PHF12: variants seen among roughly 807,000 people sequenced by gnomAD.
The protein encoded by PHF12 is PHD factor 1.
PHF12 carries 6 observed loss-of-function variants against 99.8 expected under a neutral mutation model. The ratio of observed to expected loss-of-function variants is 0.06; its 90% CI spans 0.03 to 0.12. PHF12 has a LOEUF of 0.12. Among genes scored for constraint, PHF12 ranks in the 10% least tolerant of loss-of-function variants. The pLI, the probability that PHF12 is intolerant of heterozygous loss-of-function variation, is 1.00. For synonymous variants in PHF12, 480 were observed against 514.9 expected (o/e 0.93, Z 0.92); for missense variants, 954 against 1,300.1 (o/e 0.73, Z 4.09).
At chr17:28,921,319 T>C (rs1462598514) in intron 5 of PHF12, among the ~76,000 whole-genome samples, 1 of 152,190 alleles carries the variant, frequency 6.6e-6, no homozygotes, top group Admixed American at 6.5e-5. Context: ...CGTATCACCA[T>C]ACCTGGTTCA....
chr17:28,917,749 T>C (rs1483020152), intron 6 of PHF12, among the ~76,000 whole-genome samples: 2 of 152,214 alleles, frequency 1.3e-5, no homozygotes, highest in Non-Finnish European at 1.5e-5. Flanking sequence ...GACAGTCTTC[T>C]GTTCCAGCTC....
intron 2 of PHF12, among the ~76,000 whole-genome samples, chr17:28,934,570 T>C (rs533121805): frequency 4.9e-4 from 74 of 152,076 alleles, no homozygotes; most frequent in Non-Finnish European, 7.5e-4. Flanking sequence ...TAGAGCACAA[T>C]AGTGTTTGAA....
intron 7 of PHF12, among the ~76,000 whole-genome samples, chr17:28,915,445 A>G (rs577544441): frequency 2.4e-4 from 36 of 152,250 alleles, no homozygotes; most frequent in African/African-American, 8.2e-4. Context: ...TCATCCTGAG[A>G]TATCTGTGGG....
At chr17:28,907,303 C>CT (rs1281488749) in intron 13 of PHF12, 1 of 519,920 alleles carries the variant, frequency 1.9e-6, no homozygotes, top group East Asian at 3.3e-5. Context: ...CAAGGCTTGG[C>CT]TTCCTTCTAT....
chr17:28,908,579 CAA>C (rs1400868106), intron 12 of PHF12: 2 of 574,640 alleles, frequency 3.5e-6, no homozygotes, highest in Middle Eastern at 4.7e-4. Context: ...CTTGTCCTCC[CAA>C]AGTGTTGGGA....
At chr17:28,910,391 TA>T in intron 10 of PHF12, 22 bp from the exon 11 acceptor site, 1 of 1,597,086 alleles carries the variant, frequency 6.3e-7, no homozygotes. Context: ...AGAGAAAGAT[TA>T]AAAAGCAGCT....
Position 28,951,311 on chromosome 17 carries a change from C to T in PHF12, c.-351G>A, listed in dbSNP as rs925932748. 3.7e-6 allele frequency: 4 copies of T among 1,088,256 alleles called. No individual in the cohort carries two copies. In the South Asian group the frequency reaches 8.3e-5, roughly 23 times the overall value. 67.4% of individuals were successfully genotyped at this position (1,088,256 alleles called of 1,614,324 possible). A position where few individuals can be genotyped will look rare whatever the true frequency, so the allele number is the denominator to read the frequency against. ...GGAAGGCTGGCGGGCGCTGCCATCC[C>T]GGGGCTGGGGGTATCGGAGGGGGGG... On this transcript the variant is annotated 5_prime_UTR_variant, in exon 1 of 15. Transcript: ENST00000332830.
chr17:28,915,903 A>C (rs1276421140), intron 7 of PHF12, among the ~76,000 whole-genome samples: 2 of 152,226 alleles, frequency 1.3e-5, no homozygotes, highest in Non-Finnish European at 2.9e-5. Flanking sequence ...GAGGGGCACC[A>C]TACAACAAGG....
rs1240952673 is a variant in PHF12, at chr17:28,921,610, G to A, written c.836+78C>T. 3.3e-6 allele frequency: 5 copies of A among 1,518,746 alleles called. No individual in the cohort carries two copies. In the African/African-American group the frequency reaches 5.5e-5, roughly 17 times the overall value. 94.1% of individuals were successfully genotyped at this position (1,518,746 alleles called of 1,614,324 possible). On this transcript the variant is annotated intron_variant, in intron 5 of 14. Transcript: ENST00000332830. ...TGGGCTGTTCACATTTAACATACATGGTCTGGAAGAGGTGATGAGAGAAAA... is the reference window on the plus strand; with the variant it reads ...TGGGCTGTTCACATTTAACATACATAGTCTGGAAGAGGTGATGAGAGAAAA...
At chr17:28,910,924 G>C in intron 10 of PHF12, 188 bp downstream of exon 10, 1 of 721,804 alleles carries the variant, frequency 1.4e-6, no homozygotes. Flanking sequence ...GTAGAAGGCA[G>C]AGCTACAGAA....
In PHF12 at chr17:28,950,173, G is replaced by C. The variant is rs2040783223; in HGVS notation, c.140C>G (p.Pro47Arg). 3 of 1,613,704 alleles carry C rather than the reference G, an allele frequency of 1.9e-6. No homozygotes were observed. The highest frequency in any genetic ancestry group is 2.5e-6 in the Non-Finnish European group (3 of 1,180,006). ...GTTGGTGGCCCTGCCGCTTCTCCGGGGCTCCTTCTCAGGCTTCCGACTGCG... is the reference window on the plus strand; with the variant it reads ...GTTGGTGGCCCTGCCGCTTCTCCGGCGCTCCTTCTCAGGCTTCCGACTGCG... ...EKRSRKPEKE[P>R]RRSGRATNHD... The change falls in exon 2 of 15, where the codon CCC becomes CGC. Residue 47 changes from proline to arginine, a missense_variant. Pro to Arg is a moderately radical substitution (Grantham distance 103). This residue lies in a region of PHF12 where 66 missense variants were observed against 69.4 expected (regional missense o/e 0.95). Coordinates refer to ENST00000332830, the MANE Select transcript of PHF12 (RefSeq NM_001033561.2). The surrounding 1 kb of genome is among the most constrained non-coding windows in gnomAD (Gnocchi z 5.7).
rs371344162 is a variant in PHF12, at chr17:28,950,036, G to C, written c.248+29C>G. The C allele has an allele frequency of 1.2e-5, 18 of 1,544,356 alleles. No homozygotes were observed. In the African/African-American group the frequency reaches 2.5e-4, roughly 21 times the overall value. ...GAATGCGCAGAGAAGGGTCCGCCAA[G>C]AAGCTCCAAAAGGGTCCCCAGACCT... On this transcript the variant is annotated intron_variant, in intron 2 of 14. Coordinates refer to ENST00000332830, the MANE Select transcript of PHF12 (RefSeq NM_001033561.2). This position sits in a 1 kb window ranked among gnomAD's most constrained non-coding sequence, Gnocchi z 5.7.
At position 28,929,189 on chromosome 17, in the gene PHF12, G is replaced by T. The variant is rs151056154; in HGVS notation, c.249-2126C>A. 7.2e-3 allele frequency among the ~76,000 whole-genome samples: 1,087 copies of T among 151,580 alleles called. 5 individuals are homozygous for T. Among genetic ancestry groups the T allele is most frequent in the Non-Finnish European group, 0.012 (828 of 67,878 alleles). ...TTGGCTAAGTCACCTACTTGGAATG[G>T]TATGCAGGAAATTTTTCTTCAAATA... is the stretch of plus-strand genomic sequence containing the variant. On this transcript the variant is annotated intron_variant, in intron 2 of 14. Coordinates refer to ENST00000332830, the MANE Select transcript of PHF12 (RefSeq NM_001033561.2).
At chr17:28,921,938 G>C in intron 4 of PHF12, 130 bp from the exon 5 acceptor site, 1 of 1,254,678 alleles carries the variant, frequency 8.0e-7, no homozygotes, top group Non-Finnish European at 1.1e-6. Flanking sequence ...ATTGCTCTCT[G>C]AGGCCCCTGG....
chr17:28,924,245 T>G lies in PHF12; in HGVS notation c.379A>C (p.Lys127Gln). The change falls in exon 4 of 15, where the codon AAA becomes CAA. Residue 127 changes from lysine (K) to glutamine (Q), a missense_variant. This residue lies in a region of PHF12 where 109 missense variants were observed against 145.4 expected (regional missense o/e 0.75). Coordinates refer to ENST00000332830, the MANE Select transcript of PHF12 (RefSeq NM_001033561.2). The part of the protein sequence containing the change: ...HVNGLVDKSG[K>Q]RTTSPSSDTD... ...TCACTGCTGGGGGATGTAGTCCGTT[T>G]GCCAGATTTGTCCACCAGTCCATTG... The G allele has an allele frequency of 6.2e-7, 1 of 1,614,244 alleles. No homozygotes were observed. The highest frequency in any genetic ancestry group is 8.5e-7 in the Non-Finnish European group (1 of 1,180,038).
chr17:28,911,310 G>A, intron 9 of PHF12, 73 bp from the exon 10 acceptor site: 1 of 1,589,016 alleles, frequency 6.3e-7, no homozygotes, highest in Non-Finnish European at 8.6e-7. Flanking sequence ...CCACTGCTGA[G>A]ACAGGTCTGG....
At position 28,911,199 on chromosome 17, in the gene PHF12, C is replaced by T. The variant is rs1193278421; in HGVS notation, c.2128G>A (p.Ala710Thr). ...VSPGTLSIGS[A>T]LTVPSFPANS... ...GCTGGGAAAGAGGGTACGGTTAAAG[C>T]GCTTCCTATGGATAACGTGCCGGGG... Residue 710 changes from alanine (A) to threonine (T), a missense_variant, in exon 10 of 15, where the codon GCT (alanine) becomes ACT (threonine). Physicochemically the swap from Ala to Thr is moderately conservative, Grantham distance 58 (BLOSUM62 0). This residue lies in a region of PHF12 where 143 missense variants were observed against 191.8 expected (regional missense o/e 0.75). Transcript: ENST00000332830. 7.4e-6 allele frequency: 12 copies of T among 1,614,012 alleles called. No individual in the cohort carries two copies. Among genetic ancestry groups the T allele is most frequent in the African/African-American group, 2.7e-5 (2 of 74,914 alleles).
At chr17:28,939,902 T>C (rs537694782) in intron 2 of PHF12, among the ~76,000 whole-genome samples, 3 of 152,170 alleles carry the variant, frequency 2.0e-5, no homozygotes, top group Middle Eastern at 3.4e-3. Flanking sequence ...CTGCAGAGAG[T>C]CCTCTTTTGC....
At position 28,906,677 on chromosome 17, in the gene PHF12, G is replaced by A; in HGVS notation, c.2681-160C>T. 1 of 1,183,066 alleles carries A rather than the reference G, an allele frequency of 8.5e-7. No homozygotes were observed. Among genetic ancestry groups the A allele is most frequent in the Non-Finnish European group, 1.2e-6 (1 of 850,586 alleles). 73.3% of individuals were successfully genotyped at this position (1,183,066 alleles called of 1,614,324 possible). A position where few individuals can be genotyped will look rare whatever the true frequency, so the allele number is the denominator to read the frequency against. ...GTTGGTGGAGTCTGAAGTCCCCACA[G>A]GTGTGTACACACATGGGGGTACTCA... On this transcript the variant is annotated intron_variant, in intron 14 of 14. Transcript: ENST00000332830. The surrounding 1 kb of genome is among the most constrained non-coding windows in gnomAD (Gnocchi z 4.2).
Sources: allele counts gnomAD v4.1 joint callset (sites outside exome capture counted in the v4.1 genomes callset), GRCh38; gene constraint gnomAD v4.1.1; regional missense constraint gnomAD v4.1.1; non-coding constraint Gnocchi (gnomAD v3.1); transcripts MANE v1.5; gene names NCBI Gene and HGNC (gene_info 2026-07-23, HGNC 2026-07-21).